The following PLCH1 variants were observed in gnomAD, a reference collection of about 807,000 sequenced individuals.
PLCH1 encodes phospholipase C eta 1.
A neutral mutation model predicts 126.7 loss-of-function variants in PLCH1; 60 were observed. The ratio of observed to expected loss-of-function variants is 0.47; its 90% CI spans 0.38 to 0.59. The LOEUF (loss-of-function observed/expected upper bound fraction) is 0.59. PLCH1 is among the 20% of genes least tolerant of loss of function. The probability of loss-of-function intolerance (pLI) is 0.00; values close to 1 mark genes in which losing one functional copy is unlikely to be tolerated. For missense variants in PLCH1, 1,723 were observed against 2,040.0 expected (o/e 0.84, Z 2.99); for synonymous variants, 719 against 734.9 (o/e 0.98, Z 0.35).
At chr3:155,744,050 T>C (rs1364338589) in intron 1 of PLCH1, among the ~76,000 whole-genome samples, 2 of 152,018 alleles carry the variant, frequency 1.3e-5, no homozygotes, top group Non-Finnish European at 2.9e-5. Flanking sequence ...AATGCTGAAC[T>C]CTCAACGTCA....
chr3:155,537,113 C>T (rs1242274876), intron 10 of PLCH1, among the ~76,000 whole-genome samples: 3 of 143,640 alleles, frequency 2.1e-5, no homozygotes, highest in Non-Finnish European at 4.6e-5. Flanking sequence ...TTTTCAGACA[C>T]ACGCAATAAT....
chr3:155,488,628 A>G, intron 20 of PLCH1, 32 bp downstream of exon 20: 1 of 1,558,676 alleles, frequency 6.4e-7, no homozygotes, highest in African/African-American at 1.4e-5. Flanking sequence ...AGGAATGGTC[A>G]GTCTAGAGAG....
intron 2 of PLCH1, among the ~76,000 whole-genome samples, chr3:155,698,166 G>A (rs1159689848): frequency 6.6e-6 from 1 of 152,182 alleles, no homozygotes; most frequent in East Asian, 1.9e-4. Context: ...ATTTTCTGAA[G>A]CATTCACTGA....
At chr3:155,608,065 G>A (rs1734578584) in intron 2 of PLCH1, among the ~76,000 whole-genome samples, 1 of 152,108 alleles carries the variant, frequency 6.6e-6, no homozygotes, top group Non-Finnish European at 1.5e-5. Context: ...CAGATTATAG[G>A]AGAAGGAATT....
At chr3:155,601,131 C>G (rs926730992) in intron 2 of PLCH1, among the ~76,000 whole-genome samples, 2 of 152,056 alleles carry the variant, frequency 1.3e-5, no homozygotes, top group Non-Finnish European at 1.5e-5. Context: ...CACGCCACCA[C>G]GCCCGGCCAA....
intron 2 of PLCH1, among the ~76,000 whole-genome samples, chr3:155,617,902 C>T (rs996204933): frequency 2.0e-5 from 3 of 152,090 alleles, no homozygotes; most frequent in Non-Finnish European, 4.4e-5. Context: ...TAACTTTGGA[C>T]CTCCATAGGA....
chr3:155,729,902 G>GT (rs1253393131), intron 1 of PLCH1, among the ~76,000 whole-genome samples: 7 of 144,862 alleles, frequency 4.8e-5, no homozygotes, highest in African/African-American at 1.9e-4. Flanking sequence ...TCCCGCGTGG[G>GT]TGACACAGCA....
At chr3:155,469,373 T>TA (rs1713071842) in intron 21 of PLCH1, among the ~76,000 whole-genome samples, 1 of 152,188 alleles carries the variant, frequency 6.6e-6, no homozygotes, top group Non-Finnish European at 1.5e-5. Flanking sequence ...CGGACCGGCC[T>TA]AAAAAACGGT....
chr3:155,501,649 G>A (rs1717921726), intron 13 of PLCH1, among the ~76,000 whole-genome samples: 1 of 152,044 alleles, frequency 6.6e-6, no homozygotes, highest in African/African-American at 2.4e-5. Flanking sequence ...ACAAAAATTA[G>A]CTGGGCGTGG....
At chr3:155,627,502 C>T (rs1393032199) in intron 2 of PLCH1, among the ~76,000 whole-genome samples, 2 of 151,450 alleles carry the variant, frequency 1.3e-5, no homozygotes, top group South Asian at 2.1e-4. Context: ...GGCGTGGTGG[C>T]GGGTGCCTGT....
chr3:155,596,435 T>C, intron 2 of PLCH1, 57 bp from the exon 3 acceptor site: 2 of 1,473,916 alleles, frequency 1.4e-6, no homozygotes, highest in Non-Finnish European at 1.9e-6. Context: ...CATACTGGTG[T>C]CCAGGTTTTA....
At chr3:155,636,676 G>T (rs1196213711) in intron 2 of PLCH1, among the ~76,000 whole-genome samples, 2 of 151,754 alleles carry the variant, frequency 1.3e-5, no homozygotes, top group Non-Finnish European at 2.9e-5. Context: ...TGAACCCGGA[G>T]TGGAGGTTGC....
chr3:155,662,810 A>G (rs1742318038), intron 2 of PLCH1, among the ~76,000 whole-genome samples: 2 of 151,948 alleles, frequency 1.3e-5, no homozygotes, highest in African/African-American at 4.8e-5. Flanking sequence ...ATTACAGGCG[A>G]CAACCACCAC....
intron 1 of PLCH1, among the ~76,000 whole-genome samples, chr3:155,723,133 T>G (rs1392744508): frequency 6.6e-6 from 1 of 152,240 alleles, no homozygotes; most frequent in Non-Finnish European, 1.5e-5. Context: ...TAGCCTTGAA[T>G]GATCTTTTGT....
intron 9 of PLCH1, among the ~76,000 whole-genome samples, chr3:155,553,042 T>G (rs1300690830): frequency 6.6e-6 from 1 of 152,178 alleles, no homozygotes; most frequent in Non-Finnish European, 1.5e-5. Flanking sequence ...GGCAGGAGTC[T>G]TATCTTCTGC....
chr3:155,479,457 G>C (rs941982812), downstream of PLCH1, among the ~76,000 whole-genome samples: 2 of 152,062 alleles, frequency 1.3e-5, no homozygotes, highest in Non-Finnish European at 2.9e-5. Flanking sequence ...CAGGGACCAA[G>C]TGTTCTCCTC....
At chr3:155,625,620 A>G (rs1737137657) in intron 2 of PLCH1, among the ~76,000 whole-genome samples, 1 of 152,238 alleles carries the variant, frequency 6.6e-6, no homozygotes, top group Non-Finnish European at 1.5e-5. Flanking sequence ...AAAAGCATGA[A>G]AAAAAGCTCA....
At chr3:155,659,497 G>GT (rs1414382411) in intron 2 of PLCH1, among the ~76,000 whole-genome samples, 1 of 149,668 alleles carries the variant, frequency 6.7e-6, no homozygotes, top group Non-Finnish European at 1.5e-5. Context: ...GCTCATTTTT[G>GT]TTTTTGTTTT....
chr3:155,741,543 TG>T (rs1350846702), intron 1 of PLCH1, among the ~76,000 whole-genome samples: 1 of 152,222 alleles, frequency 6.6e-6, no homozygotes, highest in Non-Finnish European at 1.5e-5. Context: ...GTCAACATTA[TG>T]CCAGGATTTT....
Sources: allele counts gnomAD v4.1 joint callset (sites outside exome capture counted in the v4.1 genomes callset), GRCh38; gene constraint gnomAD v4.1.1; transcripts MANE v1.5; gene names NCBI Gene and HGNC (gene_info 2026-07-23, HGNC 2026-07-21).